The following GPHN variants were observed in gnomAD, a reference collection of about 807,000 sequenced individuals.
GPHN encodes gephyrin.
GPHN carries 17 observed loss-of-function variants against 95.5 expected under a neutral mutation model. That is an observed-to-expected ratio of 0.18 (90% CI 0.12 to 0.27). The LOEUF is 0.27. GPHN is among the 10% of genes least tolerant of loss of function. The pLI is 1.00. For synonymous variants in GPHN, 320 were observed against 322.5 expected, an observed-to-expected ratio of 0.99 and a Z score of 0.08; for missense variants, 660 against 978.1, an observed-to-expected ratio of 0.67 and a Z score of 4.34.
the GPHN span, among the ~76,000 whole-genome samples, chr14:67,404,332 T>A: frequency 6.6e-6 from 1 of 152,008 alleles, no homozygotes; most frequent in Non-Finnish European, 1.5e-5. Flanking sequence ...CTTCATATGA[T>A]ACCTAAAAAA....
At chr14:67,510,251 A>G in the GPHN span, among the ~76,000 whole-genome samples, 2 of 152,238 alleles carry the variant, frequency 1.3e-5, no homozygotes, top group East Asian at 3.8e-4. Context: ...CACTGAAGCC[A>G]GCTGAAGCTC....
chr14:67,361,620 G>A, the GPHN span, among the ~76,000 whole-genome samples: 1 of 152,226 alleles, frequency 6.6e-6, no homozygotes, highest in East Asian at 1.9e-4. Context: ...ACCATGCACT[G>A]TTTTGAGAAA....
the GPHN span, among the ~76,000 whole-genome samples, chr14:67,698,731 A>G: frequency 7.0e-4 from 107 of 152,192 alleles, 1 homozygote; most frequent in Non-Finnish European, 1.2e-3. Context: ...TTATGCTCTG[A>G]GGAGGATTTG....
chr14:67,643,824 G>GAGAAGC, the GPHN span, among the ~76,000 whole-genome samples: 2 of 133,938 alleles, frequency 1.5e-5, no homozygotes, highest in African/African-American at 2.8e-5. Context: ...GTTACATCTG[G>GAGAAGC]AGAAGCAGGT....
At chr14:67,473,978 C>A in the GPHN span, 2 of 1,525,720 alleles carry the variant, frequency 1.3e-6, no homozygotes, top group African/African-American at 2.7e-5. The surrounding 1 kb of genome is among the most constrained non-coding windows in gnomAD (Gnocchi z 6.5). Context: ...GAGGGCCGGG[C>A]GCGGTGGCTC....
At chr14:67,360,217 G>A in the GPHN span, 23 of 401,286 alleles carry the variant, frequency 5.7e-5, no homozygotes, top group East Asian at 8.2e-4. Flanking sequence ...TACTTTTCAG[G>A]TCCTTCCATG....
the GPHN span, chr14:67,347,499 TCTC>T: frequency 1.0e-5 from 13 of 1,300,544 alleles, no homozygotes; most frequent in African/African-American, 2.3e-5. Context: ...CTTTAAGTTC[TCTC>T]TTTTTTTTTT....
chr14:67,302,919 CTTTTA>C, the GPHN span, among the ~76,000 whole-genome samples: 7 of 152,116 alleles, frequency 4.6e-5, no homozygotes, highest in African/African-American at 1.4e-4. Context: ...TTTTTGTGTT[CTTTTA>C]TTTTATTATC....
At chr14:67,341,067 C>G in the GPHN span, among the ~76,000 whole-genome samples, 1 of 152,316 alleles carries the variant, frequency 6.6e-6, no homozygotes, top group Non-Finnish European at 1.5e-5. Flanking sequence ...CCCAAAGTGC[C>G]GAGATTGCAG....
At chr14:66,816,069 T>C (rs947901841) in intron 3 of GPHN, among the ~76,000 whole-genome samples, 1 of 152,066 alleles carries the variant, frequency 6.6e-6, no homozygotes, top group Non-Finnish European at 1.5e-5. Context: ...AAGAGGGGCA[T>C]TAGGTAATGG....
chr14:66,915,774 T>C (rs1212324143), intron 5 of GPHN, among the ~76,000 whole-genome samples: 1 of 152,208 alleles, frequency 6.6e-6, no homozygotes, highest in East Asian at 1.9e-4. Flanking sequence ...TAAATTATTC[T>C]GATTCCACAT....
the GPHN span, chr14:67,569,943 T>C: frequency 1.9e-6 from 3 of 1,609,724 alleles, no homozygotes; most frequent in Admixed American, 5.0e-5. Context: ...CTGCCCTTGT[T>C]TCCCCTGGGT....
the GPHN span, among the ~76,000 whole-genome samples, chr14:67,625,919 A>C: frequency 6.6e-6 from 1 of 152,134 alleles, no homozygotes; most frequent in African/African-American, 2.4e-5. Flanking sequence ...AAGTTATACA[A>C]ATGGGCAGTA....
At chr14:67,730,633 C>G in the GPHN span, among the ~76,000 whole-genome samples, 9,788 of 152,030 alleles carry the variant, frequency 0.064, 996 homozygotes, top group African/African-American at 0.22. Flanking sequence ...GATGGATTTT[C>G]ACTCTTGTCA....
chr14:67,608,155 G>A, the GPHN span, among the ~76,000 whole-genome samples: 2 of 151,928 alleles, frequency 1.3e-5, no homozygotes, highest in Non-Finnish European at 2.9e-5. Context: ...GAGGCAGCAG[G>A]ATCCCTTGAG....
intron 17 of GPHN, among the ~76,000 whole-genome samples, chr14:67,129,776 GAGAA>G (rs1257333125): frequency 1.4e-5 from 2 of 140,026 alleles, no homozygotes; most frequent in Non-Finnish European, 3.1e-5. Flanking sequence ...GAAAGAAAGA[GAGAA>G]AGAAAGAGAG....
At chr14:67,366,967 T>G in the GPHN span, among the ~76,000 whole-genome samples, 1 of 151,392 alleles carries the variant, frequency 6.6e-6, no homozygotes, top group African/African-American at 2.4e-5. Flanking sequence ...GAGGCGAGAG[T>G]TGTAGACAAC....
Position 66,845,865 on chromosome 14 carries a change from G to A in GPHN, c.294+21299G>A, listed in dbSNP as rs111371311. ...TGTGTGTGTGTGTGTGTGTGTCTGT[G>A]TGCGTGCGCACACGTGAACGTGTGT... On this transcript the variant is annotated intron_variant, in intron 4 of 22. Transcript: ENST00000478722. 3.1e-3 allele frequency among the ~76,000 whole-genome samples: 467 copies of A among 151,336 alleles called. 11 individuals are homozygous for A. The highest frequency in any genetic ancestry group is 0.011 in the African/African-American group (443 of 41,096).
At chr14:67,015,856 GT>G (rs1426798152) in intron 9 of GPHN, among the ~76,000 whole-genome samples, 18 of 152,130 alleles carry the variant, frequency 1.2e-4, no homozygotes, top group Admixed American at 1.2e-3. Flanking sequence ...TTGATTAGAG[GT>G]TTTTAAATGT....
Sources: allele counts gnomAD v4.1 joint callset (sites outside exome capture counted in the v4.1 genomes callset), GRCh38; gene constraint gnomAD v4.1.1; non-coding constraint Gnocchi (gnomAD v3.1); transcripts MANE v1.5; gene names NCBI Gene and HGNC (gene_info 2026-07-23, HGNC 2026-07-21).